CACNA2D1: variants seen among roughly 807,000 people sequenced by gnomAD.
CACNA2D1 encodes the protein calcium voltage-gated channel auxiliary subunit alpha2delta 1, also known as voltage-dependent calcium channel subunit alpha-2/delta-1.
A neutral mutation model predicts 171.5 loss-of-function variants in CACNA2D1; 53 were observed. The ratio of observed to expected loss-of-function variants is 0.31; its 90% CI spans 0.25 to 0.39. CACNA2D1 has a LOEUF of 0.39. Among genes scored for constraint, CACNA2D1 ranks in the 10% least tolerant of loss-of-function variants. The pLI is 1.00. For synonymous variants in CACNA2D1, 442 were observed against 443.1 expected (o/e 1.00, Z 0.03); for missense variants, 903 against 1,299.8 (o/e 0.69, Z 4.69).
At chr7:82,236,710 T>C (rs1045938186) in intron 3 of CACNA2D1, among the ~76,000 whole-genome samples, 2 of 152,050 alleles carry the variant, frequency 1.3e-5, no homozygotes, top group African/African-American at 2.4e-5. Context: ...GTTTCTTACA[T>C]TGAGCTTTTT....
chr7:82,115,861 T>C (rs1335075048), intron 6 of CACNA2D1, among the ~76,000 whole-genome samples: 2 of 152,148 alleles, frequency 1.3e-5, no homozygotes, highest in Non-Finnish European at 2.9e-5. Context: ...AGCCTGGCAC[T>C]ATTATGAGAA....
chr7:82,145,533 C>T (rs1792910283), intron 4 of CACNA2D1, among the ~76,000 whole-genome samples: 1 of 129,352 alleles, frequency 7.7e-6, no homozygotes, highest in Non-Finnish European at 1.7e-5. Context: ...TGTATATATA[C>T]AGAATGTGTG....
chr7:82,430,326 G>A (rs748620031), intron 1 of CACNA2D1, among the ~76,000 whole-genome samples: 7 of 150,224 alleles, frequency 4.7e-5, no homozygotes, highest in Non-Finnish European at 8.9e-5. Flanking sequence ...GCTGAGGCAG[G>A]AGAATTGCTT....
intron 38 of CACNA2D1, among the ~76,000 whole-genome samples, chr7:81,950,895 G>A (rs1354308603): frequency 2.0e-5 from 3 of 151,948 alleles, no homozygotes; most frequent in Non-Finnish European, 4.4e-5. Context: ...TATGATTTTA[G>A]CAACTATGCT....
chr7:82,205,719 T>C (rs1187805182), intron 3 of CACNA2D1, among the ~76,000 whole-genome samples: 1 of 152,154 alleles, frequency 6.6e-6, no homozygotes, highest in East Asian at 1.9e-4. Context: ...TTTTGCTATT[T>C]ACGTTTTCCA....
rs529316921 is a variant in CACNA2D1, at chr7:82,033,544, T to A, written c.1039-643A>T. ...CATTCTACTTTATTCACTTCACATG[T>A]TTGAAATCACAAATCCTAACACTGG... On this transcript the variant is annotated intron_variant, in intron 11 of 38. Transcript: ENST00000356860. Among the ~76,000 whole-genome samples the A allele has an allele frequency of 1.5e-4, 23 of 152,170 alleles. 1 individual carries two copies. The South Asian group carries it at 4.8e-3, about 32-fold the overall frequency.
intron 38 of CACNA2D1, among the ~76,000 whole-genome samples, chr7:81,957,003 A>G (rs1793459841): frequency 6.6e-6 from 1 of 152,130 alleles, no homozygotes; most frequent in Admixed American, 6.6e-5. Context: ...CTTATTCTAA[A>G]ATATTTCAAT....
intron 3 of CACNA2D1, among the ~76,000 whole-genome samples, chr7:82,308,198 G>T (rs10260693): frequency 0.033 from 5,057 of 152,120 alleles, 276 homozygotes; most frequent in African/African-American, 0.11. Flanking sequence ...CCCCTCCTTT[G>T]CCACCTTCAG....
intron 3 of CACNA2D1, among the ~76,000 whole-genome samples, chr7:82,309,419 T>C (rs1814144734): frequency 6.6e-6 from 1 of 151,178 alleles, no homozygotes; most frequent in Non-Finnish European, 1.5e-5. Flanking sequence ...AAAAAAAAAA[T>C]TGTTGATAAA....
intron 1 of CACNA2D1, among the ~76,000 whole-genome samples, chr7:82,398,722 C>A (rs936385353): frequency 6.6e-6 from 1 of 151,796 alleles, no homozygotes; most frequent in African/African-American, 2.4e-5. Flanking sequence ...GGACTACAGG[C>A]GTGCACCACC....
intron 4 of CACNA2D1, among the ~76,000 whole-genome samples, chr7:82,144,354 T>C (rs1378596463): frequency 2.0e-5 from 3 of 152,092 alleles, no homozygotes; most frequent in Non-Finnish European, 4.4e-5. Context: ...ATTTCAGTGT[T>C]CTAGAAATAA....
chr7:82,176,752 G>T (rs1250723618), intron 3 of CACNA2D1, among the ~76,000 whole-genome samples: 1 of 151,296 alleles, frequency 6.6e-6, no homozygotes, highest in African/African-American at 2.4e-5. Context: ...ATTTACTAAG[G>T]CTCGTTATAT....
At position 81,961,948 on chromosome 7, in the gene CACNA2D1, A is replaced by G; in HGVS notation, c.2912T>C (p.Phe971Ser). 6.2e-7 allele frequency: 1 copy of G among 1,611,820 alleles called. No homozygotes were observed. The highest frequency in any genetic ancestry group is 8.5e-7 in the Non-Finnish European group (1 of 1,178,308). The change falls in exon 36 of 39, where the codon TTC becomes TCC. Residue 971 changes from phenylalanine to serine, a missense_variant. Physicochemically the swap from Phe to Ser is radical, Grantham distance 155. This residue lies in a region of CACNA2D1 where 623 missense variants were observed against 925.5 expected (regional missense o/e 0.67). Transcript: ENST00000356860. ...ACTGAATGATTTACTGTCGTTATCG[A>G]AGAAATACTGGGTTTGTTCAGTAAT... is the stretch of plus-strand genomic sequence containing the variant. Reference protein sequence around the residue: ...SCITEQTQYFFDNDSKSFSGV... With the variant: ...SCITEQTQYFSDNDSKSFSGV...
chr7:82,356,318 AC>A (rs1820419581), intron 1 of CACNA2D1, among the ~76,000 whole-genome samples: 1 of 152,110 alleles, frequency 6.6e-6, no homozygotes. Context: ...ATGCATGTTG[AC>A]TGTCCTTTTC....
intron 5 of CACNA2D1, among the ~76,000 whole-genome samples, chr7:82,136,370 G>A (rs1442311409): frequency 2.6e-5 from 4 of 152,116 alleles, no homozygotes; most frequent in Non-Finnish European, 5.9e-5. Context: ...GAGTATCACA[G>A]TTGGTACAGA....
At chr7:82,216,812 TA>T (rs1054710312) in intron 3 of CACNA2D1, among the ~76,000 whole-genome samples, 25 of 145,114 alleles carry the variant, frequency 1.7e-4, no homozygotes, top group Non-Finnish European at 2.3e-4. Flanking sequence ...AATTTTTTTT[TA>T]AAAAAAGTAA....
rs192595614 is a variant in CACNA2D1, at chr7:82,280,747, T to C, written c.294+54388A>G. 3.3e-5 allele frequency among the ~76,000 whole-genome samples: 5 copies of C among 152,204 alleles called. No individual in the cohort carries two copies. The East Asian group carries it at 9.7e-4, about 29-fold the overall frequency. On this transcript the variant is annotated intron_variant, in intron 3 of 38. Transcript: ENST00000356860. ...CCCAGGCTGGAATGCACTGGTATGA[T>C]CATAGCTCACTGCAGCCTTGAACTC... is the stretch of plus-strand genomic sequence containing the variant.
intron 3 of CACNA2D1, among the ~76,000 whole-genome samples, chr7:82,288,981 T>G (rs1811191879): frequency 6.6e-6 from 1 of 152,200 alleles, no homozygotes; most frequent in African/African-American, 2.4e-5. Context: ...ATCACAGTCA[T>G]GTATCTAGTC....
chr7:82,412,365 C>A (rs1827766937), intron 1 of CACNA2D1, among the ~76,000 whole-genome samples: 1 of 151,214 alleles, frequency 6.6e-6, no homozygotes, highest in African/African-American at 2.4e-5. Flanking sequence ...TCACTGCAAC[C>A]TTTGCCTCCA....
Sources: gnomAD v4.1 joint callset for allele counts (sites outside exome capture counted in the v4.1 genomes callset) on GRCh38, gnomAD v4.1.1 for gene constraint, gnomAD v4.1.1 regional missense constraint, MANE v1.5 for transcripts, NCBI Gene and HGNC (gene_info 2026-07-23, HGNC 2026-07-21) for gene names.